The following THSD7B variants were observed in gnomAD, a reference collection of about 807,000 sequenced individuals.
THSD7B encodes thrombospondin type 1 domain containing 7B, also known as thrombospondin type-1 domain-containing protein 7B.
THSD7B carries 138 observed loss-of-function variants against 213.6 expected under a neutral mutation model. The observed-to-expected ratio is 0.65, with a 90% CI of 0.56 to 0.74. The LOEUF (loss-of-function observed/expected upper bound fraction) is 0.74, where lower values mean the gene tolerates loss of function less well. THSD7B is among the 30% of genes least tolerant of loss of function. The pLI, the probability that THSD7B is intolerant of heterozygous loss-of-function variation, is 0.00. For missense variants in THSD7B, 1,931 were observed against 1,991.5 expected (o/e 0.97, Z 0.58); for synonymous variants, 742 against 687.0 (o/e 1.08, Z -1.25).
At chr2:136,915,878 C>G (rs1474212894) in intron 2 of THSD7B, among the ~76,000 whole-genome samples, 1 of 152,206 alleles carries the variant, frequency 6.6e-6, no homozygotes, top group African/African-American at 2.4e-5. Context: ...CTCAACCTGA[C>G]AGTACATTTT....
intron 1 of THSD7B, among the ~76,000 whole-genome samples, chr2:136,870,971 G>T (rs554093599): frequency 6.6e-6 from 1 of 152,154 alleles, no homozygotes; most frequent in South Asian, 2.1e-4. Flanking sequence ...GGGAGAATTG[G>T]TGTCTTGCAT....
intron 1 of THSD7B, among the ~76,000 whole-genome samples, chr2:136,796,022 C>T (rs920899941): frequency 1.3e-5 from 2 of 151,922 alleles, no homozygotes; most frequent in Non-Finnish European, 2.9e-5. Context: ...ATCTTACTCT[C>T]ATTTACCCTC....
chr2:136,951,514 T>A (rs1213425559), intron 2 of THSD7B, among the ~76,000 whole-genome samples: 1 of 152,226 alleles, frequency 6.6e-6, no homozygotes, highest in African/African-American at 2.4e-5. Flanking sequence ...ATGTCTAGCT[T>A]ATTCTGCAGT....
chr2:137,300,825 G>A (rs1034347310), intron 12 of THSD7B, among the ~76,000 whole-genome samples: 61 of 152,190 alleles, frequency 4.0e-4, no homozygotes, highest in African/African-American at 1.3e-3. Flanking sequence ...AAGTTTATAC[G>A]GACAAAAAGA....
At chr2:136,902,198 G>GATGC (rs1413151535) in intron 2 of THSD7B, among the ~76,000 whole-genome samples, 1 of 152,154 alleles carries the variant, frequency 6.6e-6, no homozygotes, top group African/African-American at 2.4e-5. Context: ...CAGAGGGAAG[G>GATGC]ATGCATGCAG....
At chr2:137,649,833 C>T (rs1245049272) in intron 21 of THSD7B, among the ~76,000 whole-genome samples, 4 of 152,072 alleles carry the variant, frequency 2.6e-5, no homozygotes, top group African/African-American at 7.2e-5. Flanking sequence ...CAGTGGCTCA[C>T]GCCTGCAACC....
chr2:137,604,280 A>T lies in THSD7B; in HGVS notation c.3424-11895A>T, dbSNP rs1477333360. On this transcript the variant is annotated intron_variant, in intron 17 of 27. Coordinates refer to ENST00000409968, the MANE Select transcript of THSD7B (RefSeq NM_001316349.2). ...GTGAAAATATAACATTTAATTTTTT[A>T]AAATGACTCAATTCCTCTCTTTGAG... Among the ~76,000 whole-genome samples, 3 of 152,176 alleles carry T rather than the reference A, an allele frequency of 2.0e-5. 1 individual carries two copies. In the South Asian group the frequency reaches 6.2e-4, roughly 32 times the overall value.
intron 17 of THSD7B, among the ~76,000 whole-genome samples, chr2:137,599,845 G>A (rs1487565778): frequency 6.6e-6 from 1 of 152,118 alleles, no homozygotes; most frequent in Non-Finnish European, 1.5e-5. Context: ...TCAACAAAAA[G>A]CATATGGAGT....
chr2:136,966,495 G>C (rs530366515), intron 2 of THSD7B, among the ~76,000 whole-genome samples: 2 of 152,270 alleles, frequency 1.3e-5, no homozygotes, highest in African/African-American at 4.8e-5. Flanking sequence ...GGAATTATAG[G>C]CATGAGCCGC....
chr2:137,415,492 A>G (rs185213290), intron 14 of THSD7B, among the ~76,000 whole-genome samples: 2 of 150,880 alleles, frequency 1.3e-5, no homozygotes, highest in South Asian at 2.1e-4. Context: ...GTCAGCCCCT[A>G]TTGGCTCTTA....
intron 7 of THSD7B, among the ~76,000 whole-genome samples, chr2:137,172,232 A>G (rs569217036): frequency 2.6e-5 from 4 of 152,266 alleles, no homozygotes; most frequent in African/African-American, 4.8e-5. Context: ...GTGGTTCCTG[A>G]CACAGCTCTT....
At chr2:137,205,409 GA>G (rs1680964424) in intron 7 of THSD7B, among the ~76,000 whole-genome samples, 1 of 152,032 alleles carries the variant, frequency 6.6e-6, no homozygotes, top group Admixed American at 6.6e-5. Flanking sequence ...TATCACAGCT[GA>G]AAAATGTTCA....
At chr2:137,259,613 T>A (rs551095309) in intron 10 of THSD7B, among the ~76,000 whole-genome samples, 3 of 152,296 alleles carry the variant, frequency 2.0e-5, no homozygotes, top group Admixed American at 1.3e-4. Context: ...TTGCAAAAAT[T>A]TTCTCCCATT....
intron 27 of THSD7B, among the ~76,000 whole-genome samples, chr2:137,670,885 C>A (rs1470321595): frequency 1.5e-5 from 2 of 134,586 alleles, no homozygotes; most frequent in Non-Finnish European, 3.0e-5. Flanking sequence ...TGCGCCACTG[C>A]ACTGCAGCGT....
chr2:137,549,144 C>T (rs533820543), intron 15 of THSD7B, among the ~76,000 whole-genome samples: 1 of 152,030 alleles, frequency 6.6e-6, no homozygotes, highest in African/African-American at 2.4e-5. Flanking sequence ...CTTGGTAAAT[C>T]CTAAATAGCA....
At chr2:136,980,276 C>T (rs750779348) in intron 2 of THSD7B, among the ~76,000 whole-genome samples, 12 of 152,162 alleles carry the variant, frequency 7.9e-5, no homozygotes, top group Admixed American at 1.3e-4. Flanking sequence ...AGTCTGGCTG[C>T]CCCTTGGTGG....
intron 15 of THSD7B, among the ~76,000 whole-genome samples, chr2:137,493,148 A>AC (rs1679471466): frequency 6.8e-6 from 1 of 147,668 alleles, no homozygotes; most frequent in African/African-American, 2.5e-5. Flanking sequence ...AAAAAAAAAA[A>AC]CAGGAAAAGA....
Position 136,864,769 on chromosome 2 carries a change from G to A in THSD7B, c.-35-17375G>A, listed in dbSNP as rs554545878. Among the ~76,000 whole-genome samples the A allele has an allele frequency of 2.0e-5, 3 of 152,130 alleles. No individual in the cohort carries two copies. In the East Asian group the frequency reaches 5.8e-4, roughly 29 times the overall value. Reference sequence around the variant, plus strand: ...GGGTTTCCCCATGTTAGCCAGGATGGTCTTGATCTCCTGACCTCATTATCC... The same window carrying A: ...GGGTTTCCCCATGTTAGCCAGGATGATCTTGATCTCCTGACCTCATTATCC... On this transcript the variant is annotated intron_variant, in intron 1 of 27. Coordinates refer to ENST00000409968, the MANE Select transcript of THSD7B (RefSeq NM_001316349.2).
chr2:137,329,924 GT>G (rs1452021117), intron 12 of THSD7B, among the ~76,000 whole-genome samples: 1 of 152,172 alleles, frequency 6.6e-6, no homozygotes, highest in Non-Finnish European at 1.5e-5. Context: ...GGGAAAAATG[GT>G]TTCCTGGTCT....
Sources: gnomAD v4.1 joint callset for allele counts (sites outside exome capture counted in the v4.1 genomes callset) on GRCh38, gnomAD v4.1.1 for gene constraint, MANE v1.5 for transcripts, NCBI Gene and HGNC (gene_info 2026-07-23, HGNC 2026-07-21) for gene names.